HS6ST3: variants seen among roughly 807,000 people sequenced by gnomAD.
HS6ST3 encodes the protein heparan sulfate 6-O-sulfotransferase 3, also known as heparan-sulfate 6-O-sulfotransferase 3.
HS6ST3 carries 12 observed loss-of-function variants against 36.7 expected under a neutral mutation model. The ratio of observed to expected loss-of-function variants is 0.33; its 90% CI spans 0.21 to 0.53. The LOEUF (loss-of-function observed/expected upper bound fraction) is 0.53. Among genes scored for constraint, HS6ST3 ranks in the 20% least tolerant of loss-of-function variants. HS6ST3 has a pLI of 0.95. For missense variants in HS6ST3, 584 were observed against 640.9 expected (o/e 0.91, Z 0.96); for synonymous variants, 240 against 257.5 (o/e 0.93, Z 0.65).
intron 1 of HS6ST3, among the ~76,000 whole-genome samples, chr13:96,219,025 G>A (rs1309661716): frequency 1.3e-5 from 2 of 151,986 alleles, no homozygotes; most frequent in African/African-American, 4.8e-5. Context: ...CTTTTCACAC[G>A]AAGTTGCCCT....
intron 1 of HS6ST3, among the ~76,000 whole-genome samples, chr13:96,116,639 A>G (rs1369784784): frequency 2.0e-5 from 3 of 152,238 alleles, no homozygotes; most frequent in Non-Finnish European, 2.9e-5. Flanking sequence ...GAAGGTGCTC[A>G]GTATGCACTA....
Position 96,449,924 on chromosome 13 carries a change from C to T in HS6ST3, c.707+358355C>T, listed in dbSNP as rs994184268. On this transcript the variant is annotated intron_variant, in intron 1 of 1. Transcript: ENST00000376705. ...ATGAGATGAGAGGTGGTGTGCATTA[C>T]GTTATATTGCTTACTAAAACTCTAA... Among the ~76,000 whole-genome samples the T allele has an allele frequency of 2.6e-5, 4 of 152,224 alleles. No homozygotes were observed. The East Asian group carries it at 5.8e-4, about 22-fold the overall frequency.
chr13:96,411,585 A>G (rs997409870), intron 1 of HS6ST3, among the ~76,000 whole-genome samples: 37 of 152,324 alleles, frequency 2.4e-4, no homozygotes, highest in Non-Finnish European at 3.2e-4. Flanking sequence ...CTTGCAAGAC[A>G]TGGAAACCAA....
intron 1 of HS6ST3, among the ~76,000 whole-genome samples, chr13:96,231,768 G>A (rs982832071): frequency 2.6e-5 from 4 of 152,100 alleles, no homozygotes; most frequent in Non-Finnish European, 5.9e-5. Context: ...GTATATACTC[G>A]CTGTATTTAC....
At chr13:96,443,941 C>T (rs978415199) in intron 1 of HS6ST3, among the ~76,000 whole-genome samples, 1 of 152,200 alleles carries the variant, frequency 6.6e-6, no homozygotes, top group East Asian at 1.9e-4. Context: ...ACAGATTGCA[C>T]TTACATAGTA....
chr13:96,166,395 C>T (rs1255168252), intron 1 of HS6ST3, among the ~76,000 whole-genome samples: 1 of 152,144 alleles, frequency 6.6e-6, no homozygotes, highest in Non-Finnish European at 1.5e-5. Context: ...GCTACCAAAA[C>T]CACATGGAGA....
At chr13:96,524,540 T>G (rs2056106261) in intron 1 of HS6ST3, among the ~76,000 whole-genome samples, 2 of 152,194 alleles carry the variant, frequency 1.3e-5, no homozygotes, top group African/African-American at 4.8e-5. Context: ...CCCTGCAGCT[T>G]TGTTACACTG....
chr13:96,288,779 A>C (rs2054815935), intron 1 of HS6ST3, among the ~76,000 whole-genome samples: 1 of 152,088 alleles, frequency 6.6e-6, no homozygotes, highest in Non-Finnish European at 1.5e-5. Context: ...TTTTGCTCTT[A>C]TTATTAACAA....
intron 1 of HS6ST3, among the ~76,000 whole-genome samples, chr13:96,373,005 G>A (rs1258271283): frequency 6.6e-6 from 1 of 152,108 alleles, no homozygotes; most frequent in Non-Finnish European, 1.5e-5. Flanking sequence ...GAAGGCTCCA[G>A]GGGCAAATCC....
intron 1 of HS6ST3, among the ~76,000 whole-genome samples, chr13:96,749,214 A>T (rs1876636331): frequency 6.6e-6 from 1 of 152,110 alleles, no homozygotes; most frequent in Non-Finnish European, 1.5e-5. Flanking sequence ...TTTTGCCATA[A>T]AGTGATAATT....
intron 1 of HS6ST3, among the ~76,000 whole-genome samples, chr13:96,735,818 G>T (rs1052512175): frequency 6.6e-6 from 1 of 152,108 alleles, no homozygotes; most frequent in African/African-American, 2.4e-5. Flanking sequence ...AAAACTCACC[G>T]TATGCTGTAG....
rs149487398 is a variant in HS6ST3, at chr13:96,162,701, T to C, written c.707+71132T>C. Among the ~76,000 whole-genome samples, 960 of 152,340 alleles carry C rather than the reference T, an allele frequency of 6.3e-3. 3 individuals carry two copies. Among genetic ancestry groups the C allele is most frequent in the Non-Finnish European group, 9.2e-3 (628 of 68,030 alleles). On this transcript the variant is annotated intron_variant, in intron 1 of 1. Coordinates refer to ENST00000376705, the MANE Select transcript of HS6ST3 (RefSeq NM_153456.4). ...AACTTTATTAAATCAAAGTCAACTGTGATACAATGAGGTCTGCCCCATTAA... is the reference window on the plus strand; with the variant it reads ...AACTTTATTAAATCAAAGTCAACTGCGATACAATGAGGTCTGCCCCATTAA...
chr13:96,741,482 A>G (rs191055969), intron 1 of HS6ST3, among the ~76,000 whole-genome samples: 58 of 152,272 alleles, frequency 3.8e-4, no homozygotes, highest in African/African-American at 1.3e-3. Context: ...TTCCTTGTAG[A>G]ATTCTATATC....
At chr13:96,615,692 C>A (rs941559877) in intron 1 of HS6ST3, among the ~76,000 whole-genome samples, 3 of 152,196 alleles carry the variant, frequency 2.0e-5, no homozygotes, top group African/African-American at 7.2e-5. Context: ...TTAGAAGAAT[C>A]TGTTAAAAGG....
chr13:96,156,932 A>G (rs2054113466), intron 1 of HS6ST3, among the ~76,000 whole-genome samples: 1 of 152,188 alleles, frequency 6.6e-6, no homozygotes, highest in Non-Finnish European at 1.5e-5. Context: ...TCAGTGAGCC[A>G]AGGGAGCACC....
At chr13:96,812,456 C>G (rs987054538) in intron 1 of HS6ST3, among the ~76,000 whole-genome samples, 1 of 152,116 alleles carries the variant, frequency 6.6e-6, no homozygotes, top group Admixed American at 6.5e-5. Flanking sequence ...GGAGCATCTT[C>G]TATATAAAAA....
chr13:96,301,384 C>G (rs1226084793), intron 1 of HS6ST3, among the ~76,000 whole-genome samples: 1 of 152,114 alleles, frequency 6.6e-6, no homozygotes, highest in African/African-American at 2.4e-5. Context: ...TTCTTTGAGG[C>G]CTATCAGACT....
chr13:96,575,607 A>G (rs936030664), intron 1 of HS6ST3, among the ~76,000 whole-genome samples: 1 of 152,230 alleles, frequency 6.6e-6, no homozygotes, highest in African/African-American at 2.4e-5. Flanking sequence ...TAATTTCACA[A>G]GGCAGATCTT....
intron 1 of HS6ST3, among the ~76,000 whole-genome samples, chr13:96,233,733 A>G (rs902506902): frequency 1.2e-4 from 19 of 152,206 alleles, no homozygotes; most frequent in Admixed American, 3.3e-4. Flanking sequence ...TGATAGGAAG[A>G]GGGAATGTGG....
Sources: gnomAD v4.1 joint callset for allele counts (sites outside exome capture counted in the v4.1 genomes callset) on GRCh38, gnomAD v4.1.1 for gene constraint, MANE v1.5 for transcripts, NCBI Gene and HGNC (gene_info 2026-07-23, HGNC 2026-07-21) for gene names.